Variants in ASXL1 observed in about 807,000 individuals in gnomAD.
ASXL1 encodes ASXL transcriptional regulator 1.
In ASXL1, 65 loss-of-function variants were observed where a neutral mutation model predicts 89.1. That is an observed-to-expected ratio of 0.73 (90% confidence interval 0.60 to 0.90). The LOEUF is 0.90. ASXL1 is among the 40% of genes least tolerant of loss of function. The pLI is 0.00. For missense variants in ASXL1, 1,786 were observed against 1,942.9 expected, an observed-to-expected ratio of 0.92 and a Z score of 1.52; for synonymous variants, 739 against 746.9, an observed-to-expected ratio of 0.99 and a Z score of 0.17.
chr20:32,435,698 G>C lies in ASXL1; in HGVS notation c.2986G>C (p.Gly996Arg). The change falls in exon 13 of 13, where the codon GGT (glycine) becomes CGT (arginine). Residue 996 changes from glycine to arginine, a missense_variant. Coordinates refer to ENST00000375687, the MANE Select transcript of ASXL1 (RefSeq NM_015338.6). ...NGDSEALSPH[G>R]ESTDTASDFE... ...AGACTCTGAAGCACTGAGTCCTCAC[G>C]GTGAGTCCACGGATACAGCCTCTGA... 1 of 1,614,158 alleles carries C rather than the reference G, an allele frequency of 6.2e-7. No homozygotes were observed. Among genetic ancestry groups the C allele is most frequent in the South Asian group, 1.1e-5 (1 of 91,084 alleles).
rs543413924 is a variant in ASXL1 at position 32,412,672 on chromosome 20, G to A, written c.253-15456G>A. Among the ~76,000 whole-genome samples, 5 of 146,106 alleles carry A rather than the reference G, an allele frequency of 3.4e-5. No homozygotes were observed. The South Asian group carries it at 6.5e-4, about 19-fold the overall frequency. On this transcript the variant is annotated intron_variant, in intron 4 of 12. Coordinates refer to ENST00000375687, the MANE Select transcript of ASXL1 (RefSeq NM_015338.6). ...GGGCAATGGTGGGATCGTAGCTCAC[G>A]TCAGCCTCCCAAGTAGCTGGGACTA...
chr20:32,392,429 C>A (rs1413232319), intron 4 of ASXL1, among the ~76,000 whole-genome samples: 1 of 151,422 alleles, frequency 6.6e-6, no homozygotes, highest in Non-Finnish European at 1.5e-5. Flanking sequence ...ATTACAGGTG[C>A]CTGCCACCAT....
Position 32,433,306 on chromosome 20 carries a change from T to C in ASXL1, c.1108T>C (p.Ser370Pro), listed in dbSNP as rs557983754. Residue 370 changes from serine (S) to proline (P), a missense_variant, in exon 12 of 13, where the codon TCA becomes CCA. By Grantham distance (74) the Ser-to-Pro change is moderately conservative. Coordinates refer to ENST00000375687, the MANE Select transcript of ASXL1 (RefSeq NM_015338.6). ...CAGGCTGGGTTTGACCAAAGAAGAG[T>C]CATTGCAGCAGAACGTGGGCCAGGA... is the stretch of plus-strand genomic sequence containing the variant. ...GQKLGLTKEE[S>P]LQQNVGQEEA... 6.2e-7 allele frequency: 1 copy of C among 1,613,732 alleles called. No individual in the cohort carries two copies. The highest frequency in any genetic ancestry group is 8.5e-7 in the Non-Finnish European group (1 of 1,179,976).
chr20:32,426,554 C>CTTTTTTTTTTTTTTT (rs1177815042), intron 4 of ASXL1, among the ~76,000 whole-genome samples: 11 of 83,950 alleles, frequency 1.3e-4, no homozygotes, highest in East Asian at 9.5e-4. Flanking sequence ...TTTTTTCTTT[C>CTTTTTTTTTTTTTTT]TTTTTTTTTT....
chr20:32,383,587 C>T (rs2048526795), intron 4 of ASXL1, among the ~76,000 whole-genome samples: 1 of 152,128 alleles, frequency 6.6e-6, no homozygotes, highest in Non-Finnish European at 1.5e-5. Flanking sequence ...GGATTACAGG[C>T]GTGAGCCACT....
At chr20:32,422,036 T>A (rs1352396894) in intron 4 of ASXL1, among the ~76,000 whole-genome samples, 1 of 130,560 alleles carries the variant, frequency 7.7e-6, no homozygotes, top group East Asian at 2.2e-4. Context: ...TCCTGGCTAA[T>A]TTTTTTTTTT....
At chr20:32,382,241 C>G (rs570306575) in intron 4 of ASXL1, among the ~76,000 whole-genome samples, 1 of 152,046 alleles carries the variant, frequency 6.6e-6, no homozygotes, top group East Asian at 1.9e-4. Context: ...TCCCGAAGTC[C>G]TGGGATTACA....
At chr20:32,375,696 T>C (rs549367849) in intron 4 of ASXL1, among the ~76,000 whole-genome samples, 1 of 152,004 alleles carries the variant, frequency 6.6e-6, no homozygotes, top group Admixed American at 6.6e-5. Context: ...TTTGTTTTGT[T>C]TTTTGAGACA....
chr20:32,412,111 A>G (rs1036706333), intron 4 of ASXL1, among the ~76,000 whole-genome samples: 2 of 152,156 alleles, frequency 1.3e-5, no homozygotes, highest in African/African-American at 4.8e-5. Flanking sequence ...GTATGCATGT[A>G]TACATCTGTA....
At chr20:32,398,603 G>GTTTTTTTTTTTTGTTTTTTTTTTTTTT (rs375341392) in intron 4 of ASXL1, among the ~76,000 whole-genome samples, 2 of 126,450 alleles carry the variant, frequency 1.6e-5, no homozygotes, top group Admixed American at 8.5e-5. Flanking sequence ...TTTTTTGTTT[G>GTTTTTTTTTTTTGTTTTTTTTTTTTTT]TTTTTTTTTT....
intron 4 of ASXL1, among the ~76,000 whole-genome samples, chr20:32,373,634 C>T (rs1251596199): frequency 2.0e-5 from 3 of 151,066 alleles, no homozygotes. Context: ...TGGGAGGTTG[C>T]GGTGGGTGGA....
intron 2 of ASXL1, 53 bp from the exon 3 acceptor site, chr20:32,367,655 TTATTTTTGTTTTTATGGGC>T: frequency 1.3e-6 from 1 of 778,712 alleles, no homozygotes; most frequent in South Asian, 1.3e-5. Flanking sequence ...TAATTGTGCT[TTATTTTTGTTTTTATGGGC>T]TATTTCCCAT....
intron 4 of ASXL1, among the ~76,000 whole-genome samples, chr20:32,398,936 C>T (rs2048820248): frequency 6.6e-6 from 1 of 150,482 alleles, no homozygotes; most frequent in Admixed American, 6.6e-5. Context: ...GATACTTTTG[C>T]TGGATTAAGA....
At chr20:32,367,645 T>G in intron 2 of ASXL1, 82 bp from the exon 3 acceptor site, 1 of 777,122 alleles carries the variant, frequency 1.3e-6, no homozygotes, top group Non-Finnish European at 2.4e-6. Context: ...TGTAGTGTTA[T>G]AATTGTGCTT....
At chr20:32,401,544 G>GTGTT (rs35101542) in intron 4 of ASXL1, among the ~76,000 whole-genome samples, 3,466 of 69,284 alleles carry the variant, frequency 0.05, 194 homozygotes, top group African/African-American at 0.11. Flanking sequence ...GTGTGTGTGT[G>GTGTT]TTTTTTCCCC....
intron 4 of ASXL1, among the ~76,000 whole-genome samples, chr20:32,399,510 T>A (rs1422345170): frequency 6.6e-6 from 1 of 151,626 alleles, no homozygotes; most frequent in Non-Finnish European, 1.5e-5. Context: ...TTTTTTTTTT[T>A]TTGGCCATTT....
At chr20:32,372,914 G>C (rs1389330139) in intron 4 of ASXL1, among the ~76,000 whole-genome samples, 1 of 149,392 alleles carries the variant, frequency 6.7e-6, no homozygotes, top group Admixed American at 6.7e-5. Context: ...TTTGACATTT[G>C]ATGATAAATA....
chr20:32,399,745 C>CTATTTTTTTTTTTT (rs1600525633), intron 4 of ASXL1, among the ~76,000 whole-genome samples: 3 of 66,614 alleles, frequency 4.5e-5, no homozygotes, highest in Non-Finnish European at 5.9e-5. Flanking sequence ...ACATATTTTA[C>CTATTTTTTTTTTTT]TCTTTTTTTT....
chr20:32,406,745 G>A (rs1213493363), intron 4 of ASXL1, among the ~76,000 whole-genome samples: 1 of 152,026 alleles, frequency 6.6e-6, no homozygotes, highest in Non-Finnish European at 1.5e-5. Flanking sequence ...CCATATACAT[G>A]CCCTTCTCAA....
Sources: gnomAD v4.1 joint callset for allele counts (sites outside exome capture counted in the v4.1 genomes callset) on GRCh38, gnomAD v4.1.1 for gene constraint, MANE v1.5 for transcripts, NCBI Gene and HGNC (gene_info 2026-07-23, HGNC 2026-07-21) for gene names.